GPHN: variants seen among roughly 807,000 people sequenced by gnomAD.
The protein encoded by GPHN is gephyrin.
Under a neutral mutation model 95.5 loss-of-function variants are expected in GPHN, and 17 were observed. The ratio of observed to expected loss-of-function variants is 0.18; its 90% CI spans 0.12 to 0.27. The LOEUF (loss-of-function observed/expected upper bound fraction) is 0.27, where lower values mean the gene tolerates loss of function less well. Ranked by LOEUF, GPHN falls within the 10% of genes least tolerant of loss-of-function variation. The pLI is 1.00. For synonymous variants in GPHN, 320 were observed against 322.5 expected (o/e 0.99, Z 0.08); for missense variants, 660 against 978.1 (o/e 0.67, Z 4.34).
the GPHN span, among the ~76,000 whole-genome samples, chr14:67,489,800 C>T: frequency 6.6e-6 from 1 of 152,172 alleles, no homozygotes; most frequent in African/African-American, 2.4e-5. Context: ...ACCATCCTGG[C>T]TAACATGGTG....
At chr14:67,682,034 T>C in the GPHN span, among the ~76,000 whole-genome samples, 1 of 152,276 alleles carries the variant, frequency 6.6e-6, no homozygotes, top group African/African-American at 2.4e-5. Context: ...CTCTGCCATA[T>C]TATGACACAG....
chr14:67,680,876 A>G, the GPHN span, among the ~76,000 whole-genome samples: 1 of 152,256 alleles, frequency 6.6e-6, no homozygotes, highest in African/African-American at 2.4e-5. Flanking sequence ...AAAACTTACT[A>G]CAATGCTATA....
chr14:66,914,134 T>TACAC (rs1436164176), intron 5 of GPHN, among the ~76,000 whole-genome samples: 1 of 152,024 alleles, frequency 6.6e-6, no homozygotes, highest in Admixed American at 6.6e-5. Context: ...TATGCATACA[T>TACAC]ACACACACAC....
At chr14:67,099,396 C>T (rs780731604) in intron 12 of GPHN, among the ~76,000 whole-genome samples, 14 of 151,830 alleles carry the variant, frequency 9.2e-5, no homozygotes, top group Non-Finnish European at 1.6e-4. Flanking sequence ...GCTGGGATGA[C>T]AGGTGTGAGC....
chr14:66,784,474 G>A (rs2059705578), intron 3 of GPHN, among the ~76,000 whole-genome samples: 1 of 152,094 alleles, frequency 6.6e-6, no homozygotes, highest in African/African-American at 2.4e-5. Context: ...GGAGAAAACA[G>A]CAGAATGGGT....
chr14:67,667,492 G>A, the GPHN span, among the ~76,000 whole-genome samples: 1 of 152,154 alleles, frequency 6.6e-6, no homozygotes, highest in African/African-American at 2.4e-5. Context: ...TACTGACCTT[G>A]TAAGGGTTGT....
the GPHN span, among the ~76,000 whole-genome samples, chr14:67,567,351 C>T: frequency 1.3e-5 from 2 of 152,146 alleles, no homozygotes; most frequent in Non-Finnish European, 2.9e-5. Flanking sequence ...CTTAAAACAA[C>T]CTTGTGAGTT....
intron 1 of GPHN, among the ~76,000 whole-genome samples, chr14:66,558,528 A>G (rs1270236296): frequency 6.6e-6 from 1 of 152,010 alleles, no homozygotes; most frequent in African/African-American, 2.4e-5. Context: ...TTTTTATGTC[A>G]TAGGCCTCCA....
intron 2 of GPHN, among the ~76,000 whole-genome samples, chr14:66,753,472 G>A (rs1215649569): frequency 6.6e-6 from 1 of 151,468 alleles, no homozygotes; most frequent in Non-Finnish European, 1.5e-5. Context: ...GTTTTAGGGT[G>A]GCAGTCATAG....
chr14:66,889,055 T>C (rs1197829300), intron 5 of GPHN, among the ~76,000 whole-genome samples: 1 of 152,138 alleles, frequency 6.6e-6, no homozygotes. Context: ...ATTATACTTA[T>C]AAACATTTAT....
intron 1 of GPHN, among the ~76,000 whole-genome samples, chr14:66,520,712 T>TA (rs397710978): frequency 8.6e-5 from 13 of 151,806 alleles, no homozygotes; most frequent in South Asian, 6.3e-4. Context: ...TTTTTTTTTT[T>TA]AAACTTTTAT....
chr14:67,540,687 A>G, the GPHN span, among the ~76,000 whole-genome samples: 3 of 152,060 alleles, frequency 2.0e-5, no homozygotes, highest in African/African-American at 7.2e-5. Flanking sequence ...ATTGTTGACT[A>G]CTAGGGTGAC....
intron 8 of GPHN, among the ~76,000 whole-genome samples, chr14:66,946,396 T>C (rs942275234): frequency 6.6e-6 from 1 of 152,206 alleles, no homozygotes; most frequent in Non-Finnish European, 1.5e-5. Flanking sequence ...TTTGTTGATA[T>C]GTTAACACAT....
intron 14 of GPHN, 39 bp downstream of exon 14, chr14:67,110,298 T>G (rs1322592103): frequency 6.2e-7 from 1 of 1,609,240 alleles, no homozygotes; most frequent in East Asian, 2.2e-5. Context: ...GTTGTTCCTA[T>G]GGCAGTATTA....
chr14:66,554,313 G>A (rs1046749736), intron 1 of GPHN, among the ~76,000 whole-genome samples: 1 of 152,112 alleles, frequency 6.6e-6, no homozygotes, highest in Non-Finnish European at 1.5e-5. Context: ...AGTATAAGTG[G>A]CAGTGGATTA....
At chr14:66,704,038 A>C (rs2068824164) in intron 2 of GPHN, among the ~76,000 whole-genome samples, 1 of 152,144 alleles carries the variant, frequency 6.6e-6, no homozygotes, top group South Asian at 2.1e-4. Flanking sequence ...GACAAAACAG[A>C]GTTTAAACCA....
chr14:67,710,155 T>C, the GPHN span, among the ~76,000 whole-genome samples: 2 of 152,148 alleles, frequency 1.3e-5, no homozygotes, highest in South Asian at 4.1e-4. Flanking sequence ...CCTAAATGTA[T>C]AAAACCAAGC....
chr14:67,519,061 A>T, the GPHN span, among the ~76,000 whole-genome samples: 1 of 152,170 alleles, frequency 6.6e-6, no homozygotes, highest in South Asian at 2.1e-4. Flanking sequence ...GAACTGGGGG[A>T]TGGGACATAT....
the GPHN span, among the ~76,000 whole-genome samples, chr14:67,300,402 A>C: frequency 6.8e-6 from 1 of 147,156 alleles, no homozygotes; most frequent in Admixed American, 6.9e-5. Flanking sequence ...ATCTCAGCTC[A>C]CTGCAACCTC....
Sources: allele counts gnomAD v4.1 joint callset (sites outside exome capture counted in the v4.1 genomes callset), GRCh38; gene constraint gnomAD v4.1.1; transcripts MANE v1.5; gene names NCBI Gene and HGNC (gene_info 2026-07-23, HGNC 2026-07-21).